The following CLK2 variants were observed in gnomAD, a reference collection of about 807,000 sequenced individuals.
The protein encoded by CLK2 is CDC like kinase 2, also known as dual specificity protein kinase CLK2.
A neutral mutation model predicts 73.5 loss-of-function variants in CLK2; 12 were observed. That is an observed-to-expected ratio of 0.16 (90% CI 0.10 to 0.26). The LOEUF (loss-of-function observed/expected upper bound fraction) is 0.26. Ranked by LOEUF, CLK2 falls within the 10% of genes least tolerant of loss-of-function variation. The pLI is 1.00. For missense variants in CLK2, 509 were observed against 688.4 expected (o/e 0.74, Z 2.92); for synonymous variants, 232 against 237.9 (o/e 0.98, Z 0.23).
rs1487463579 is a variant in CLK2, at chr1:155,264,515, T to C, written c.1099A>G (p.Ile367Val). The C allele has an allele frequency of 6.2e-7, 1 of 1,614,204 alleles. No individual in the cohort carries two copies. The highest frequency in any genetic ancestry group is 8.5e-7 in the Non-Finnish European group (1 of 1,180,030). The change falls in exon 10 of 13, where the codon ATA becomes GTA. Residue 367 changes from isoleucine (I) to valine (V), a missense_variant. This residue lies in a region of CLK2 where 48 missense variants were observed against 144.9 expected (regional missense o/e 0.33). Transcript: ENST00000368361. ...GWSQPCDVWS[I>V]GCIIFEYYVG... ...TAGTATTCAAAGATGATGCAGCCTA[T>C]ACTCCACACATCACAAGGCTGTGAC...
At position 155,264,223 on chromosome 1, in the gene CLK2, T is replaced by C. The variant is rs142395925; in HGVS notation, c.1224A>G (p.Thr408=). 5.0e-6 allele frequency: 8 copies of C among 1,614,070 alleles called. No homozygotes were observed. The African/African-American group carries it at 1.1e-4, about 22-fold the overall frequency. ...ACTAGTGCCCCCTCAAGGTTCACCT[T>C]GTCTTTCGGATCATCCGGGAAGGGA... is the stretch of plus-strand genomic sequence containing the variant. ...GPIPSRMIRK[T]RKQKYFYRGR... The change falls in exon 11 of 13, where the codon ACA becomes ACG. Residue 408 remains threonine (T), a splice_region_variant and synonymous_variant. Transcript: ENST00000368361.
chr1:155,271,684 T>C (rs1054877226), intron 1 of CLK2, among the ~76,000 whole-genome samples: 1 of 152,166 alleles, frequency 6.6e-6, no homozygotes, highest in Non-Finnish European at 1.5e-5. Context: ...TGATGCTGAG[T>C]TCCTCACAAG....
chr1:155,273,430 G>A lies in CLK2; in HGVS notation c.-230C>T, dbSNP rs1673608284. 1 of 152,910 alleles carries A rather than the reference G, an allele frequency of 6.5e-6. No homozygotes were observed. The allele number at this position is 152,910 out of a possible 1,614,324, so 9.5% of individuals were successfully genotyped here. A position where few individuals can be genotyped will look rare whatever the true frequency, so the allele number is the denominator to read the frequency against. ...CGCCGCTCGCACCGCCCCCGCCCGG[G>A]GCCCGATCCCAGCTCGGTCTCCGGC... On this transcript the variant is annotated 5_prime_UTR_variant, in exon 1 of 13. Transcript: ENST00000368361.
At position 155,268,844 on chromosome 1, in the gene CLK2, G is replaced by A. The variant is rs1557934970; in HGVS notation, c.400-49C>T. On this transcript the variant is annotated intron_variant, in intron 3 of 12. Transcript: ENST00000368361. This position sits in a 1 kb window ranked among gnomAD's most constrained non-coding sequence, Gnocchi z 5.6. Reference sequence around the variant, plus strand: ...GAGCAAGCCAGGTGTCGGAGCGGGGGCCGGAGGGAGGCGGGGTGGGTGGTA... The same window carrying A: ...GAGCAAGCCAGGTGTCGGAGCGGGGACCGGAGGGAGGCGGGGTGGGTGGTA... The A allele has an allele frequency of 4.0e-6, 4 of 1,012,072 alleles. No homozygotes were observed. The East Asian group carries it at 7.7e-5, about 20-fold the overall frequency. 62.7% of individuals were successfully genotyped at this position (1,012,072 alleles called of 1,614,324 possible).
rs1037683196 is a variant in CLK2, at chr1:155,263,081, T to C, written c.*137A>G. ...ACAAGTTCTTTCATATTTACACTATTTCACATATTCACAGGTATATAGAGA... is the reference window on the plus strand; with the variant it reads ...ACAAGTTCTTTCATATTTACACTATCTCACATATTCACAGGTATATAGAGA... On this transcript the variant is annotated 3_prime_UTR_variant, in exon 13 of 13. Transcript: ENST00000368361. The C allele has an allele frequency of 2.6e-6, 2 of 776,178 alleles. No individual in the cohort carries two copies. Among genetic ancestry groups the C allele is most frequent in the Admixed American group, 3.0e-5 (1 of 33,832 alleles). 48.1% of individuals were successfully genotyped at this position (776,178 alleles called of 1,614,324 possible).
chr1:155,268,408 G>A lies in CLK2; in HGVS notation c.488-49C>T. On this transcript the variant is annotated intron_variant, in intron 4 of 12. Transcript: ENST00000368361. This position sits in a 1 kb window ranked among gnomAD's most constrained non-coding sequence, Gnocchi z 5.6. ...GGGGAGAGGGAGGGAGAGAAGGTGG[G>A]GAATGAGCTGAGTTGGAAGAAAAAA... 6.6e-7 allele frequency: 1 copy of A among 1,522,342 alleles called. No individual in the cohort carries two copies. Among genetic ancestry groups the A allele is most frequent in the South Asian group, 1.1e-5 (1 of 89,026 alleles). The allele number at this position is 1,522,342 out of a possible 1,614,324, so 94.3% of individuals were successfully genotyped here.
chr1:155,264,385 C>A (rs1295553617), intron 10 of CLK2, 83 bp downstream of exon 10: 8 of 1,601,646 alleles, frequency 5.0e-6, no homozygotes, highest in Middle Eastern at 1.7e-4. Flanking sequence ...ATGTGGAGAA[C>A]TGAGTAGGCA....
rs1463928349 is a variant in CLK2, at chr1:155,262,907, C to G, written c.*311G>C. On this transcript the variant is annotated 3_prime_UTR_variant, in exon 13 of 13. Transcript: ENST00000368361. ...AGCACGTTATTTTATTTCACAAAGA[C>G]TGTACAAAATTCCTTATAAAACATG... 4 of 304,476 alleles carry G rather than the reference C, an allele frequency of 1.3e-5. No individual in the cohort carries two copies. Among genetic ancestry groups the G allele is most frequent in the African/African-American group, 6.4e-5 (3 of 46,524 alleles). 18.9% of individuals were successfully genotyped at this position (304,476 alleles called of 1,614,324 possible).
chr1:155,264,412 C>G, intron 10 of CLK2, 56 bp downstream of exon 10: 3 of 1,607,604 alleles, frequency 1.9e-6, no homozygotes, highest in East Asian at 2.2e-5. Flanking sequence ...CAGCAGAAAA[C>G]AAAGGAACCA....
intron 6 of CLK2, among the ~76,000 whole-genome samples, chr1:155,267,669 T>G (rs138559058): frequency 6.6e-6 from 1 of 152,368 alleles, no homozygotes; most frequent in African/African-American, 2.4e-5. Flanking sequence ...TCTGTGGCCT[T>G]ATCAGCATAG....
intron 12 of CLK2, 133 bp downstream of exon 12, chr1:155,263,817 A>G (rs1673100413): frequency 2.1e-6 from 3 of 1,399,980 alleles, no homozygotes; most frequent in Non-Finnish European, 2.9e-6. Flanking sequence ...TGTTGACCAA[A>G]GATGTCTTCT....
chr1:155,264,043 A>G lies in CLK2; in HGVS notation c.1227-3T>C, dbSNP rs765940319. The G allele has an allele frequency of 1.1e-5, 17 of 1,612,928 alleles. No homozygotes were observed. The highest frequency in any genetic ancestry group is 1.4e-5 in the Non-Finnish European group (16 of 1,179,030). Reference sequence around the variant, plus strand: ...CCCGGTAAAAATATTTCTGCTTTCTAGAGGGGAAGGGGAGGTTGAGGAATC... The same window carrying G: ...CCCGGTAAAAATATTTCTGCTTTCTGGAGGGGAAGGGGAGGTTGAGGAATC... On this transcript the variant is annotated splice_polypyrimidine_tract_variant and splice_region_variant and intron_variant, in intron 11 of 12. Coordinates refer to ENST00000368361, the MANE Select transcript of CLK2 (RefSeq NM_001294338.2).
intron 1 of CLK2, among the ~76,000 whole-genome samples, chr1:155,272,016 G>T (rs1285363145): frequency 7.3e-5 from 10 of 137,082 alleles, no homozygotes; most frequent in African/African-American, 1.1e-4. Context: ...TGTTTCTTGT[G>T]TTTTTTTTTT....
At chr1:155,270,744 T>C (rs899541876) in intron 2 of CLK2, 64 bp downstream of exon 2, 88 of 1,522,416 alleles carry the variant, frequency 5.8e-5, no homozygotes, top group Middle Eastern at 2.3e-4. Flanking sequence ...AACCAATAAG[T>C]ATTTGTTGAA....
At chr1:155,273,097 T>G (rs1382173698) in intron 1 of CLK2, 104 bp downstream of exon 1, 3 of 151,968 alleles carry the variant, frequency 2.0e-5, no homozygotes. Context: ...TCAACTCTCC[T>G]CCTCTCCAAA....
intron 8 of CLK2, among the ~76,000 whole-genome samples, chr1:155,265,597 A>ATAAC (rs1553224461): frequency 1.3e-5 from 2 of 151,754 alleles, no homozygotes; most frequent in Non-Finnish European, 2.9e-5. Context: ...AAATAAATAA[A>ATAAC]TAAATAAAGT....
In CLK2 at chr1:155,264,694, A is replaced by G. The variant is rs767748618; in HGVS notation, c.1014T>C (p.His338=). 9.3e-6 allele frequency: 15 copies of G among 1,614,110 alleles called. No homozygotes were observed. The South Asian group carries it at 1.5e-4, about 17-fold the overall frequency. Reference sequence around the variant, plus strand: ...AATGGCGAGTGGAGACAATGGTGCTATGGTGCTCATGGTCAAAGGTGGCAC... The same window carrying G: ...AATGGCGAGTGGAGACAATGGTGCTGTGGTGCTCATGGTCAAAGGTGGCAC... ...FGSATFDHEH[H]STIVSTRHYR... Residue 338 remains histidine, a synonymous_variant, in exon 9 of 13, where the codon CAT becomes CAC. Coordinates refer to ENST00000368361, the MANE Select transcript of CLK2 (RefSeq NM_001294338.2).
At chr1:155,269,358 G>T in intron 3 of CLK2, 130 bp downstream of exon 3, 1 of 793,646 alleles carries the variant, frequency 1.3e-6, no homozygotes. Flanking sequence ...CAAGAAAGTA[G>T]GCAAACTCAG....
chr1:155,270,383 AATG>A (rs1281508705), intron 2 of CLK2, among the ~76,000 whole-genome samples: 1 of 152,006 alleles, frequency 6.6e-6, no homozygotes, highest in Non-Finnish European at 1.5e-5. Flanking sequence ...AAAATAAATA[AATG>A]ATATTTTAAA....
Sources: allele counts gnomAD v4.1 joint callset (sites outside exome capture counted in the v4.1 genomes callset), GRCh38; gene constraint gnomAD v4.1.1; regional missense constraint gnomAD v4.1.1; non-coding constraint Gnocchi (gnomAD v3.1); transcripts MANE v1.5; gene names NCBI Gene and HGNC (gene_info 2026-07-23, HGNC 2026-07-21).